GPHN: variants seen among roughly 807,000 people sequenced by gnomAD.
GPHN encodes gephyrin.
Under a neutral mutation model 95.5 loss-of-function variants are expected in GPHN, and 17 were observed. The ratio of observed to expected loss-of-function variants is 0.18; its 90% CI spans 0.12 to 0.27. GPHN has a LOEUF of 0.27. Among genes scored for constraint, GPHN ranks in the 10% least tolerant of loss-of-function variants. The pLI is 1.00. For synonymous variants in GPHN, 320 were observed against 322.5 expected (o/e 0.99, Z 0.08); for missense variants, 660 against 978.1 (o/e 0.67, Z 4.34).
At chr14:66,815,878 C>A (rs894938368) in intron 3 of GPHN, among the ~76,000 whole-genome samples, 10 of 152,002 alleles carry the variant, frequency 6.6e-5, no homozygotes, top group African/African-American at 2.4e-4. Flanking sequence ...GGATAAAGAA[C>A]CGAGACCCAT....
intron 18 of GPHN, 57 bp downstream of exon 18, chr14:67,143,506 G>A (rs1483354841): frequency 1.9e-6 from 2 of 1,062,698 alleles, no homozygotes; most frequent in East Asian, 2.4e-5. Context: ...GCATATGGTC[G>A]ATTAACTGTG....
At chr14:66,638,975 G>A (rs2064248498) in intron 1 of GPHN, among the ~76,000 whole-genome samples, 1 of 152,000 alleles carries the variant, frequency 6.6e-6, no homozygotes. Flanking sequence ...TGAAGAACAG[G>A]AAGGACCTTA....
At chr14:67,085,926 A>C (rs978811460) in intron 11 of GPHN, among the ~76,000 whole-genome samples, 1 of 151,782 alleles carries the variant, frequency 6.6e-6, no homozygotes, top group Non-Finnish European at 1.5e-5. Flanking sequence ...TGATTTGACT[A>C]CTCTATGTAC....
At chr14:66,847,321 A>G (rs1163222388) in intron 4 of GPHN, among the ~76,000 whole-genome samples, 4 of 152,302 alleles carry the variant, frequency 2.6e-5, no homozygotes, top group Non-Finnish European at 5.9e-5. Context: ...AACATTTTAA[A>G]GCAGAAAAAG....
At chr14:67,436,663 C>T in the GPHN span, among the ~76,000 whole-genome samples, 1 of 152,194 alleles carries the variant, frequency 6.6e-6, no homozygotes, top group Non-Finnish European at 1.5e-5. Flanking sequence ...ACAAGTTCCT[C>T]CCATAGGGTC....
the GPHN span, among the ~76,000 whole-genome samples, chr14:67,237,642 A>G: frequency 3.3e-5 from 5 of 152,336 alleles, no homozygotes; most frequent in Admixed American, 6.5e-5. Context: ...ATGAAATAAA[A>G]TAGTGTGGTA....
intron 1 of GPHN, among the ~76,000 whole-genome samples, chr14:66,560,060 C>T (rs1296785060): frequency 6.6e-6 from 1 of 151,948 alleles, no homozygotes; most frequent in Non-Finnish European, 1.5e-5. Context: ...AGATATGCGG[C>T]GTTATTTCTG....
chr14:66,990,267 A>C lies in GPHN; in HGVS notation c.963+24942A>C, dbSNP rs576664431. On this transcript the variant is annotated intron_variant, in intron 9 of 22. Coordinates refer to ENST00000478722, the MANE Select transcript of GPHN (RefSeq NM_020806.5). ...CCTTCCACCAGGTTCCTCCCTTGAC[A>C]TGTGGAGATTACAATTCGAGATGAG... 3.3e-5 allele frequency among the ~76,000 whole-genome samples: 5 copies of C among 152,294 alleles called. No homozygotes were observed. In the East Asian group the frequency reaches 9.6e-4, roughly 29 times the overall value.
intron 1 of GPHN, among the ~76,000 whole-genome samples, chr14:66,640,705 A>G (rs2064346336): frequency 6.6e-6 from 1 of 152,144 alleles, no homozygotes; most frequent in Non-Finnish European, 1.5e-5. Flanking sequence ...ATTTTAGGAA[A>G]ACCTATGTGT....
At chr14:67,568,939 A>G in the GPHN span, 1 of 551,858 alleles carries the variant, frequency 1.8e-6, no homozygotes, top group Admixed American at 3.5e-5. Flanking sequence ...GCAGCCTGAA[A>G]GGTAAGTATT....
At chr14:66,649,451 G>A (rs1595398221) in intron 1 of GPHN, among the ~76,000 whole-genome samples, 1 of 152,310 alleles carries the variant, frequency 6.6e-6, no homozygotes, top group East Asian at 1.9e-4. Context: ...AGATGAGCAA[G>A]TGAAGCTTCA....
intron 17 of GPHN, among the ~76,000 whole-genome samples, chr14:67,138,860 C>A (rs978499297): frequency 2.7e-5 from 4 of 147,560 alleles, no homozygotes; most frequent in Non-Finnish European, 5.9e-5. Flanking sequence ...TCAGACAAAT[C>A]CATACCTCTT....
intron 1 of GPHN, among the ~76,000 whole-genome samples, chr14:66,667,803 G>A (rs1398910359): frequency 1.3e-5 from 2 of 152,136 alleles, no homozygotes; most frequent in Non-Finnish European, 2.9e-5. Context: ...ATTGACAAAT[G>A]GGATCTAAGC....
the GPHN span, chr14:67,729,857 C>T: frequency 2.2e-6 from 1 of 456,836 alleles, no homozygotes; most frequent in Non-Finnish European, 4.4e-6. Context: ...AGTGCTGAAT[C>T]TTATCATGAA....
chr14:67,586,386 C>T, the GPHN span: 1 of 1,370,486 alleles, frequency 7.3e-7, no homozygotes, highest in Non-Finnish European at 9.6e-7. Flanking sequence ...TCATGCAGTC[C>T]TCAGTTGGGT....
intron 3 of GPHN, among the ~76,000 whole-genome samples, chr14:66,778,065 C>G (rs1160219777): frequency 6.6e-6 from 1 of 152,126 alleles, no homozygotes; most frequent in African/African-American, 2.4e-5. Flanking sequence ...GATTGTATAT[C>G]TAGAAAACCC....
the GPHN span, among the ~76,000 whole-genome samples, chr14:67,494,851 C>A: frequency 1.3e-5 from 2 of 152,168 alleles, no homozygotes; most frequent in Non-Finnish European, 2.9e-5. Context: ...GTGATTCAGG[C>A]CTGTAATCCC....
chr14:67,364,537 AG>A, the GPHN span: 1 of 423,872 alleles, frequency 2.4e-6, no homozygotes, highest in East Asian at 4.4e-5. Context: ...CTAAAGGCAG[AG>A]AATCACCCAA....
intron 17 of GPHN, among the ~76,000 whole-genome samples, chr14:67,141,276 G>A (rs180696507): frequency 1.3e-4 from 20 of 152,184 alleles, no homozygotes; most frequent in Admixed American, 1.1e-3. Context: ...TTGGAACCAG[G>A]CCTACCTTGC....
Sources: gnomAD v4.1 joint callset for allele counts (sites outside exome capture counted in the v4.1 genomes callset) on GRCh38, gnomAD v4.1.1 for gene constraint, MANE v1.5 for transcripts, NCBI Gene and HGNC (gene_info 2026-07-23, HGNC 2026-07-21) for gene names.